ROR1: variants seen among roughly 807,000 people sequenced by gnomAD.
The protein encoded by ROR1 is inactive tyrosine-protein kinase transmembrane receptor ROR1.
In ROR1, 19 loss-of-function variants were observed where a neutral mutation model predicts 78.8. That is an observed-to-expected ratio of 0.24 (90% confidence interval 0.17 to 0.35). ROR1 has a LOEUF of 0.35. ROR1 is among the 10% of genes least tolerant of loss of function. The probability of loss-of-function intolerance (pLI) is 1.00; values close to 1 mark genes in which losing one functional copy is unlikely to be tolerated. For missense variants in ROR1, 917 were observed against 1,177.8 expected (o/e 0.78, Z 3.24); for synonymous variants, 386 against 433.6 (o/e 0.89, Z 1.36).
intron 4 of ROR1, among the ~76,000 whole-genome samples, chr1:64,076,453 C>A (rs933426909): frequency 6.6e-6 from 1 of 152,178 alleles, no homozygotes; most frequent in Admixed American, 6.5e-5. Flanking sequence ...TCCAGATAAG[C>A]ATCCAGGTCA....
chr1:63,810,363 T>C (rs1346755085), intron 1 of ROR1, among the ~76,000 whole-genome samples: 2 of 152,222 alleles, frequency 1.3e-5, no homozygotes, highest in African/African-American at 4.8e-5. Flanking sequence ...TTATGTGCAT[T>C]GGGGAATTAC....
chr1:63,978,633 C>A (rs543516184), intron 1 of ROR1, among the ~76,000 whole-genome samples: 1 of 152,218 alleles, frequency 6.6e-6, no homozygotes, highest in Non-Finnish European at 1.5e-5. Flanking sequence ...TTCTATGATC[C>A]AGAAATTTCA....
chr1:63,793,205 A>C (rs1644737482), intron 1 of ROR1, among the ~76,000 whole-genome samples: 1 of 152,218 alleles, frequency 6.6e-6, no homozygotes, highest in Non-Finnish European at 1.5e-5. Flanking sequence ...ACTCAGGTGA[A>C]GGAAGTTATC....
chr1:64,076,312 A>C (rs1328437481), intron 4 of ROR1, among the ~76,000 whole-genome samples: 1 of 152,196 alleles, frequency 6.6e-6, no homozygotes, highest in African/African-American at 2.4e-5. Flanking sequence ...TGGTGGATGG[A>C]CACACAAAGC....
rs1470848991 is a variant in ROR1 at position 64,178,789 on chromosome 1, A to G, written c.2748A>G (p.Gln916=). The change falls in exon 9 of 9, where the codon CAA becomes CAG. Residue 916 remains glutamine (Q), a synonymous_variant. Transcript: ENST00000371079. This position sits in a 1 kb window ranked among gnomAD's most constrained non-coding sequence, Gnocchi z 4.3. ...AACCCTACAAAATTGACTCAAAGCA[A>G]GCATCTTTACTAGGAGACGCCAATA... is the stretch of plus-strand genomic sequence containing the variant. ...SQKPYKIDSK[Q]ASLLGDANIH... is the part of the protein sequence containing the mutation. The G allele has an allele frequency of 1.9e-6, 3 of 1,614,060 alleles. No individual in the cohort carries two copies. Among genetic ancestry groups the G allele is most frequent in the Non-Finnish European group, 2.5e-6 (3 of 1,180,040 alleles).
intron 1 of ROR1, among the ~76,000 whole-genome samples, chr1:63,936,335 C>T (rs1645794183): frequency 6.6e-6 from 1 of 152,140 alleles, no homozygotes; most frequent in South Asian, 2.1e-4. Flanking sequence ...AAGGTGGAGA[C>T]CTTAGATTCA....
At chr1:64,096,697 A>T (rs1466442311) in intron 4 of ROR1, among the ~76,000 whole-genome samples, 2 of 152,138 alleles carry the variant, frequency 1.3e-5, no homozygotes, top group Admixed American at 1.3e-4. Flanking sequence ...TAGTGCTGTA[A>T]TGAACATACT....
intron 4 of ROR1, among the ~76,000 whole-genome samples, chr1:64,110,374 A>T (rs1486388491): frequency 6.6e-6 from 1 of 152,182 alleles, no homozygotes; most frequent in African/African-American, 2.4e-5. Context: ...TGAAGGTAAG[A>T]GGCAGCAAGT....
chr1:63,810,171 G>A (rs1210303245), intron 1 of ROR1, among the ~76,000 whole-genome samples: 2 of 152,242 alleles, frequency 1.3e-5, no homozygotes, highest in Admixed American at 1.3e-4. Context: ...TTTTACAGGT[G>A]TGTTGGGAAA....
At chr1:63,916,560 AAT>A (rs780272696) in intron 1 of ROR1, among the ~76,000 whole-genome samples, 3 of 152,212 alleles carry the variant, frequency 2.0e-5, no homozygotes, top group Non-Finnish European at 4.4e-5. Context: ...TTTGAGATAA[AAT>A]AGAGTTTTGA....
At chr1:64,046,210 C>T (rs1242089700) in intron 2 of ROR1, among the ~76,000 whole-genome samples, 2 of 152,154 alleles carry the variant, frequency 1.3e-5, no homozygotes, top group Non-Finnish European at 2.9e-5. Context: ...TGACACACAT[C>T]GCTAGAGAGT....
At chr1:64,108,092 GTGTGTGTT>G (rs1454751905) in intron 4 of ROR1, among the ~76,000 whole-genome samples, 2 of 98,750 alleles carry the variant, frequency 2.0e-5, no homozygotes, top group Non-Finnish European at 4.5e-5. Context: ...GTGTGTGTGT[GTGTGTGTT>G]TAAATCACTG....
At chr1:63,855,460 C>T (rs950849439) in intron 1 of ROR1, among the ~76,000 whole-genome samples, 1 of 152,108 alleles carries the variant, frequency 6.6e-6, no homozygotes, top group Non-Finnish European at 1.5e-5. Context: ...TGAAGTTGTT[C>T]CTCAACTCAC....
intron 1 of ROR1, among the ~76,000 whole-genome samples, chr1:63,877,171 A>G (rs535660718): frequency 6.6e-6 from 1 of 152,278 alleles, no homozygotes; most frequent in South Asian, 2.1e-4. Flanking sequence ...GTTCATATTC[A>G]GCTACCAAGA....
At chr1:64,012,395 G>A (rs944268744) in intron 2 of ROR1, among the ~76,000 whole-genome samples, 1 of 152,046 alleles carries the variant, frequency 6.6e-6, no homozygotes, top group Admixed American at 6.6e-5. Context: ...TGGGGTTGAG[G>A]TTCTTCTCAG....
chr1:64,028,672 T>C (rs1218543965), intron 2 of ROR1, among the ~76,000 whole-genome samples: 1 of 152,194 alleles, frequency 6.6e-6, no homozygotes, highest in East Asian at 1.9e-4. Context: ...AGATACATAG[T>C]AGGTGTATAT....
intron 1 of ROR1, among the ~76,000 whole-genome samples, chr1:63,974,110 C>T (rs774469898): frequency 1.3e-5 from 2 of 152,136 alleles, no homozygotes; most frequent in African/African-American, 2.4e-5. Flanking sequence ...TAAATAAATA[C>T]TAATTCTGGT....
At chr1:64,047,600 G>C (rs752590725) in intron 2 of ROR1, among the ~76,000 whole-genome samples, 1 of 152,080 alleles carries the variant, frequency 6.6e-6, no homozygotes, top group Non-Finnish European at 1.5e-5. Flanking sequence ...CTCCACAAAG[G>C]GTACATAGTT....
chr1:64,137,520 A>G (rs1357069014), intron 5 of ROR1, 24 bp downstream of exon 5: 2 of 1,602,058 alleles, frequency 1.2e-6, no homozygotes, highest in Non-Finnish European at 1.7e-6. Context: ...ATGAAATTAT[A>G]TTTGTCCCTT....
Sources: allele counts gnomAD v4.1 joint callset (sites outside exome capture counted in the v4.1 genomes callset), GRCh38; gene constraint gnomAD v4.1.1; non-coding constraint Gnocchi (gnomAD v3.1); transcripts MANE v1.5; gene names NCBI Gene and HGNC (gene_info 2026-07-23, HGNC 2026-07-21).